FAM3B: variants seen among roughly 807,000 people sequenced by gnomAD.
FAM3B encodes FAM3 metabolism regulating signaling molecule B.
Under a neutral mutation model 28.4 loss-of-function variants are expected in FAM3B, and 29 were observed. The observed-to-expected ratio is 1.02, with a 90% CI of 0.76 to 1.39. The LOEUF is 1.39. FAM3B is among the 40% of genes most tolerant of loss of function. The pLI is 0.00. For synonymous variants in FAM3B, 91 were observed against 103.0 expected (o/e 0.88, Z 0.71); for missense variants, 266 against 293.9 (o/e 0.91, Z 0.69).
intron 1 of FAM3B, among the ~76,000 whole-genome samples, chr21:41,305,037 C>T (rs2088675644): frequency 6.6e-6 from 1 of 152,114 alleles, no homozygotes; most frequent in Non-Finnish European, 1.5e-5. Context: ...CTCCGCAACA[C>T]GTTTTCCTCC....
At chr21:41,333,352 G>A (rs2088924272) in intron 2 of FAM3B, among the ~76,000 whole-genome samples, 2 of 152,108 alleles carry the variant, frequency 1.3e-5, no homozygotes, top group Admixed American at 1.3e-4. Flanking sequence ...TTGGATCATG[G>A]GAGTGGATTT....
At chr21:41,307,957 G>C (rs2088690517) in intron 1 of FAM3B, among the ~76,000 whole-genome samples, 1 of 152,132 alleles carries the variant, frequency 6.6e-6, no homozygotes, top group Non-Finnish European at 1.5e-5. Context: ...AGACTTACTG[G>C]AGGCAGGGTT....
At position 41,325,817 on chromosome 21, in the gene FAM3B, C is replaced by T. The variant is rs1411400314; in HGVS notation, c.163+2751C>T. ...GAAAGCCACCAGGAGAGTCCGGACG[C>T]AAGGCTGTGCGAGCTCTATAGCTGG... On this transcript the variant is annotated intron_variant, in intron 2 of 7. Transcript: ENST00000357985. 3.3e-5 allele frequency among the ~76,000 whole-genome samples: 5 copies of T among 152,202 alleles called. No homozygotes were observed. In the East Asian group the frequency reaches 9.6e-4, roughly 29 times the overall value.
upstream of FAM3B, among the ~76,000 whole-genome samples, chr21:41,315,348 G>T (rs1255977330): frequency 1.3e-5 from 2 of 152,182 alleles, no homozygotes; most frequent in East Asian, 1.9e-4. Flanking sequence ...AAGTTCTGGA[G>T]ATCAGTAATG....
intron 7 of FAM3B, among the ~76,000 whole-genome samples, 177 bp downstream of exon 7, chr21:41,348,901 A>G (rs2089089420): frequency 6.6e-6 from 1 of 152,228 alleles, no homozygotes; most frequent in African/African-American, 2.4e-5. Context: ...TCTCTTTCAA[A>G]GTAGAAAATT....
At chr21:41,317,029 G>C in intron 1 of FAM3B, 131 bp downstream of exon 1, 1 of 844,076 alleles carries the variant, frequency 1.2e-6, no homozygotes, top group South Asian at 4.4e-5. Context: ...TTGGCGCCGA[G>C]GCTGGTCTTA....
At chr21:41,304,464 C>T (rs1265535900) in intron 1 of FAM3B, among the ~76,000 whole-genome samples, 2 of 152,210 alleles carry the variant, frequency 1.3e-5, no homozygotes, top group African/African-American at 2.4e-5. Context: ...AGGCACCTCC[C>T]GTTGCGGCTG....
At chr21:41,350,748 T>C (rs1171806173) in intron 7 of FAM3B, among the ~76,000 whole-genome samples, 2 of 152,194 alleles carry the variant, frequency 1.3e-5, no homozygotes, top group Admixed American at 6.5e-5. Context: ...ATGGAGGCCC[T>C]GGTTTCACAT....
At chr21:41,317,458 A>G (rs971502927) in intron 1 of FAM3B, among the ~76,000 whole-genome samples, 2 of 152,194 alleles carry the variant, frequency 1.3e-5, no homozygotes, top group Admixed American at 1.3e-4. Context: ...TATTTTGACC[A>G]GTCATCGCGT....
At chr21:41,338,709 CT>C (rs113574075) in intron 3 of FAM3B, among the ~76,000 whole-genome samples, 5,774 of 152,216 alleles carry the variant, frequency 0.038, 347 homozygotes, top group African/African-American at 0.13. Flanking sequence ...CTGTATGTGT[CT>C]TGTGTTTAAT....
At chr21:41,311,848 C>T (rs748463694), upstream of FAM3B, among the ~76,000 whole-genome samples, 5 of 152,074 alleles carry the variant, frequency 3.3e-5, no homozygotes, top group Non-Finnish European at 5.9e-5. Flanking sequence ...TGAGACTGGG[C>T]AATTTACAAA....
chr21:41,308,132 T>C (rs951588589), intron 1 of FAM3B, among the ~76,000 whole-genome samples: 1 of 152,248 alleles, frequency 6.6e-6, no homozygotes, highest in Non-Finnish European at 1.5e-5. Context: ...AGCCAGTTTT[T>C]CTCTTGATGT....
intron 3 of FAM3B, among the ~76,000 whole-genome samples, chr21:41,342,420 C>A (rs1358788104): frequency 6.6e-6 from 1 of 152,096 alleles, no homozygotes; most frequent in Non-Finnish European, 1.5e-5. Context: ...TATCTTCTGC[C>A]CATTCACTTT....
At chr21:41,347,207 G>C (rs946970347) in intron 6 of FAM3B, 107 bp downstream of exon 6, 138 of 882,582 alleles carry the variant, frequency 1.6e-4, no homozygotes, top group Middle Eastern at 2.2e-4. Flanking sequence ...GAAAGTCCAG[G>C]AGCAAAGTAC....
intron 1 of FAM3B, chr21:41,304,320 C>G (rs1201140054): frequency 2.2e-6 from 1 of 455,842 alleles, no homozygotes; most frequent in South Asian, 1.6e-5. Flanking sequence ...GGTGAGAGGA[C>G]GCGGGGCTGG....
chr21:41,328,318 T>C (rs1030250718), intron 2 of FAM3B, among the ~76,000 whole-genome samples: 1 of 152,222 alleles, frequency 6.6e-6, no homozygotes, highest in African/African-American at 2.4e-5. Context: ...CATTTTCAAA[T>C]GCTATATTCA....
At chr21:41,339,177 G>A (rs936887819) in intron 3 of FAM3B, among the ~76,000 whole-genome samples, 17 of 152,184 alleles carry the variant, frequency 1.1e-4, no homozygotes, top group Non-Finnish European at 1.5e-4. Context: ...CAACAAAGTC[G>A]TCCTGGCCTG....
intron 2 of FAM3B, among the ~76,000 whole-genome samples, chr21:41,333,587 AGCCT>A (rs1286775660): frequency 6.6e-6 from 1 of 152,230 alleles, no homozygotes; most frequent in African/African-American, 2.4e-5. Flanking sequence ...CTTCTTGTAC[AGCCT>A]GTGGAATCGT....
At chr21:41,322,695 A>G (rs1378763310) in intron 1 of FAM3B, 1 of 726,968 alleles carries the variant, frequency 1.4e-6, no homozygotes. Flanking sequence ...AGCAAATACA[A>G]CTTGCCCTGG....
Sources: gnomAD v4.1 joint callset for allele counts (sites outside exome capture counted in the v4.1 genomes callset) on GRCh38, gnomAD v4.1.1 for gene constraint, MANE v1.5 for transcripts, NCBI Gene and HGNC (gene_info 2026-07-23, HGNC 2026-07-21) for gene names.